ULK4: variants seen among roughly 807,000 people sequenced by gnomAD.
ULK4 encodes the protein unc-51 like kinase 4.
ULK4 carries 133 observed loss-of-function variants against 160.6 expected under a neutral mutation model. The ratio of observed to expected loss-of-function variants is 0.83; its 90% CI spans 0.72 to 0.96. ULK4 has a LOEUF of 0.96. Among genes scored for constraint, ULK4 ranks in the 40% least tolerant of loss-of-function variants. ULK4 has a pLI of 0.00. For synonymous variants in ULK4, 534 were observed against 539.8 expected (o/e 0.99, Z 0.15); for missense variants, 1,580 against 1,499.5 (o/e 1.05, Z -0.89).
chr3:41,949,455 AG>A (rs372914741), intron 2 of ULK4, among the ~76,000 whole-genome samples: 1 of 146,120 alleles, frequency 6.8e-6, no homozygotes, highest in Middle Eastern at 3.2e-3. Flanking sequence ...TTTTTGAGAC[AG>A]CATTTCACTC....
At chr3:41,404,226 ATTTT>A (rs60508995) in intron 34 of ULK4, among the ~76,000 whole-genome samples, 1 of 131,858 alleles carries the variant, frequency 7.6e-6, no homozygotes, top group African/African-American at 2.8e-5. Context: ...TAGCTCTATC[ATTTT>A]TTTTTTTTTT....
At chr3:41,572,167 T>C (rs1450773832) in intron 31 of ULK4, among the ~76,000 whole-genome samples, 1 of 152,200 alleles carries the variant, frequency 6.6e-6, no homozygotes, top group Non-Finnish European at 1.5e-5. Context: ...ATTTGGTCTA[T>C]GGGATGGCAG....
At chr3:41,776,463 A>C (rs1285042399) in intron 21 of ULK4, among the ~76,000 whole-genome samples, 1 of 150,916 alleles carries the variant, frequency 6.6e-6, no homozygotes, top group Admixed American at 6.6e-5. Context: ...TGTCAACAAA[A>C]AAACTAATTG....
Position 41,620,575 on chromosome 3 carries a change from C to A in ULK4, c.3072-4858G>T, listed in dbSNP as rs140750688. On this transcript the variant is annotated intron_variant, in intron 30 of 36. Transcript: ENST00000301831. ...CAGTAAGATTCAACATCCCTTCATG[C>A]TAAAAACTCTCAATAAACTAGGTAT... 3.4e-4 allele frequency among the ~76,000 whole-genome samples: 51 copies of A among 152,234 alleles called. 1 individual carries two copies. The highest frequency in any genetic ancestry group is 1.2e-3 in the African/African-American group (48 of 41,528).
intron 11 of ULK4, among the ~76,000 whole-genome samples, chr3:41,909,372 C>A (rs1013211605): frequency 1.3e-5 from 2 of 152,048 alleles, no homozygotes; most frequent in Non-Finnish European, 2.9e-5. Flanking sequence ...ACATAAAATA[C>A]AATATACCAG....
intron 34 of ULK4, among the ~76,000 whole-genome samples, chr3:41,434,476 T>C (rs1449045294): frequency 6.6e-6 from 1 of 152,194 alleles, no homozygotes; most frequent in African/African-American, 2.4e-5. Context: ...GCAAACACTA[T>C]TTTTTGTGAG....
At chr3:41,305,749 G>A (rs1460811159) in intron 35 of ULK4, among the ~76,000 whole-genome samples, 4 of 149,994 alleles carry the variant, frequency 2.7e-5, no homozygotes, top group Admixed American at 6.6e-5. Flanking sequence ...GTCTCTGCCC[G>A]GCCGCCGTCC....
At position 41,865,271 on chromosome 3, in the gene ULK4, TAAAAAAAAAAAAAAAAA is replaced by T. The variant is rs55741060; in HGVS notation, c.1656+18586_1656+18602del. ...GGGCAACAGAGCAAGACTCTGTCTT[TAAAAAAAAAAAAAAAAA>T]AAAAAAAAAAAAAAAAAGCCTTATC... On this transcript the variant is annotated intron_variant, in intron 17 of 36. Transcript: ENST00000301831. Among the ~76,000 whole-genome samples, 47 of 29,898 alleles carry T rather than the reference TAAAAAAAAAAAAAAAAA, an allele frequency of 1.6e-3. 1 individual carries two copies. The highest frequency in any genetic ancestry group is 2.8e-3 in the Admixed American group (5 of 1,772). 19.6% of individuals were successfully genotyped at this position (29,898 alleles called of 152,430 possible).
chr3:41,661,926 T>C (rs2035185163), intron 30 of ULK4, among the ~76,000 whole-genome samples: 1 of 152,182 alleles, frequency 6.6e-6, no homozygotes, highest in Non-Finnish European at 1.5e-5. Flanking sequence ...ATGAGGAAAT[T>C]AAGCTGAATA....
chr3:41,348,469 C>T lies in ULK4; in HGVS notation c.3678+49610G>A, dbSNP rs1202835885. Among the ~76,000 whole-genome samples, 5 of 152,008 alleles carry T rather than the reference C, an allele frequency of 3.3e-5. No homozygotes were observed. The East Asian group carries it at 9.7e-4, about 29-fold the overall frequency. On this transcript the variant is annotated intron_variant, in intron 35 of 36. Transcript: ENST00000301831. ...TGTCTCAAAACAACTCTAGAATGCC[C>T]CTATTATTATCCTGGCTTTACAGAG...
intron 35 of ULK4, among the ~76,000 whole-genome samples, chr3:41,315,960 G>A (rs537719688): frequency 4.2e-4 from 64 of 152,278 alleles, no homozygotes; most frequent in African/African-American, 1.5e-3. Flanking sequence ...TAAATGGTCA[G>A]CTACTTTAGA....
chr3:41,491,322 A>T (rs2084754086), intron 32 of ULK4, among the ~76,000 whole-genome samples: 1 of 124,390 alleles, frequency 8.0e-6, no homozygotes, highest in Non-Finnish European at 1.8e-5. Context: ...GAAAAAATAA[A>T]AAATAAAATA....
In ULK4 at chr3:41,844,032, T is replaced by C. The variant is rs530796332; in HGVS notation, c.1657-8061A>G. ...GAGTTAGACACAGGGTGCTGATTGG[T>C]GTACTTACAATCCCTTAGCTAGACA... On this transcript the variant is annotated intron_variant, in intron 17 of 36. Transcript: ENST00000301831. 2.0e-3 allele frequency among the ~76,000 whole-genome samples: 311 copies of C among 152,288 alleles called. 1 individual carries two copies. The highest frequency in any genetic ancestry group is 4.8e-3 in the Admixed American group (73 of 15,306).
chr3:41,643,676 C>T (rs1401539094), intron 30 of ULK4, among the ~76,000 whole-genome samples: 1 of 149,360 alleles, frequency 6.7e-6, no homozygotes, highest in Non-Finnish European at 1.5e-5. Flanking sequence ...GTGATGCAGG[C>T]TCTTTTTTGG....
intron 35 of ULK4, among the ~76,000 whole-genome samples, chr3:41,395,892 A>G (rs2082048824): frequency 6.6e-6 from 1 of 152,160 alleles, no homozygotes; most frequent in African/African-American, 2.4e-5. Context: ...TTCTTCCACA[A>G]ACAAAATCTA....
chr3:41,281,771 A>G (rs202171860), intron 35 of ULK4, among the ~76,000 whole-genome samples: 1 of 152,070 alleles, frequency 6.6e-6, no homozygotes, highest in Admixed American at 6.6e-5. Flanking sequence ...CACCACTCCT[A>G]TTCAACATAG....
chr3:41,301,352 T>C (rs1397209056), intron 35 of ULK4, among the ~76,000 whole-genome samples: 1 of 152,142 alleles, frequency 6.6e-6, no homozygotes, highest in Non-Finnish European at 1.5e-5. Flanking sequence ...CATTTCACTA[T>C]AACGACAGAA....
In ULK4 at chr3:41,398,276, CAAAT is replaced by C. The variant is rs753847316; in HGVS notation, c.3493-16_3493-13del. The C allele has an allele frequency of 5.6e-6, 9 of 1,606,342 alleles. No individual in the cohort carries two copies. The highest frequency in any genetic ancestry group is 1.3e-5 in the African/African-American group (1 of 74,166). On this transcript the variant is annotated splice_polypyrimidine_tract_variant and intron_variant, in intron 34 of 36. Transcript: ENST00000301831. ...TCTTCATTAGGAAGCTGAAAATTAA[CAAAT>C]AAGACTATTTAAATTTCCTTGAAGA...
intron 30 of ULK4, among the ~76,000 whole-genome samples, chr3:41,642,823 C>T (rs1474434088): frequency 6.6e-6 from 1 of 152,198 alleles, no homozygotes; most frequent in Non-Finnish European, 1.5e-5. Flanking sequence ...AAAAGTGTTC[C>T]TATTTCTCCA....
Sources: allele counts gnomAD v4.1 joint callset (sites outside exome capture counted in the v4.1 genomes callset), GRCh38; gene constraint gnomAD v4.1.1; transcripts MANE v1.5; gene names NCBI Gene and HGNC (gene_info 2026-07-23, HGNC 2026-07-21).